Variants in APOLD1 observed in about 807,000 individuals in gnomAD.
The protein encoded by APOLD1 is apolipoprotein L domain-containing protein 1.
In APOLD1, 22 loss-of-function variants were observed where a neutral mutation model predicts 15.3. The ratio of observed to expected loss-of-function variants is 1.44; its 90% CI spans 1.03 to 2.05. APOLD1 has a LOEUF of 2.05. Among genes scored for constraint, APOLD1 ranks in the 30% most tolerant of loss-of-function variants. The probability of loss-of-function intolerance (pLI) is 0.00; values close to 1 mark genes in which losing one functional copy is unlikely to be tolerated. For synonymous variants in APOLD1, 190 were observed against 167.4 expected (o/e 1.13, Z -1.04); for missense variants, 394 against 353.5 (o/e 1.11, Z -0.92).
intron 1 of APOLD1, among the ~76,000 whole-genome samples, chr12:12,774,641 T>C (rs1947018004): frequency 7.1e-6 from 1 of 141,816 alleles, no homozygotes; most frequent in East Asian, 2.1e-4. Flanking sequence ...AATGGGCCAA[T>C]GACCTTAACA....
rs964273426 is a variant in APOLD1 at position 12,787,076 on chromosome 12, G to A, written c.171G>A (p.Val57=). 2 of 1,395,230 alleles carry A rather than the reference G, an allele frequency of 1.4e-6. No homozygotes were observed. The highest frequency in any genetic ancestry group is 1.8e-6 in the Non-Finnish European group (2 of 1,085,148). 86.4% of individuals were successfully genotyped at this position (1,395,230 alleles called of 1,614,324 possible). The change falls in exon 2 of 2, where the codon GTG becomes GTA. Residue 57 remains valine (V), a synonymous_variant. Transcript: ENST00000356591. The surrounding 1 kb of genome is among the most constrained non-coding windows in gnomAD (Gnocchi z 4.9). ...GCAGGCGCTCCCTCGTAGCCAACGT[G>A]GCCGGCAGCTCGCTGAGCGCAACGG... ...RLRRRSLVAN[V]AGSSLSATGA...
chr12:12,760,432 G>A (rs962907411), intron 1 of APOLD1, among the ~76,000 whole-genome samples: 1 of 152,116 alleles, frequency 6.6e-6, no homozygotes, highest in Non-Finnish European at 1.5e-5. Context: ...GAGGGCAGGA[G>A]TTCGAGACCA....
chr12:12,740,546 C>T (rs1324321107), intron 1 of APOLD1, among the ~76,000 whole-genome samples: 1 of 152,240 alleles, frequency 6.6e-6, no homozygotes, highest in Non-Finnish European at 1.5e-5. Context: ...CAGTAGTTGA[C>T]TGTCTTCTGA....
At chr12:12,733,795 G>A (rs552102646) in intron 1 of APOLD1, among the ~76,000 whole-genome samples, 7 of 152,082 alleles carry the variant, frequency 4.6e-5, no homozygotes, top group African/African-American at 1.7e-4. Context: ...GTAGAGACAG[G>A]GTTTCTCCAT....
chr12:12,778,763 C>T (rs1377592664), intron 1 of APOLD1, among the ~76,000 whole-genome samples: 1 of 152,172 alleles, frequency 6.6e-6, no homozygotes, highest in Admixed American at 6.6e-5. Flanking sequence ...GTACTTTATC[C>T]ACTCCATTGC....
At chr12:12,777,923 T>TTTGTTGTTGTTGTTG (rs1283327763) in intron 1 of APOLD1, among the ~76,000 whole-genome samples, 1 of 121,574 alleles carries the variant, frequency 8.2e-6, no homozygotes, top group Admixed American at 9.1e-5. Flanking sequence ...TTTTTTTTTT[T>TTTGTTGTTGTTGTTG]TTGTTGTTGT....
chr12:12,764,051 C>G (rs1371686799), intron 1 of APOLD1, among the ~76,000 whole-genome samples: 1 of 151,284 alleles, frequency 6.6e-6, no homozygotes, highest in East Asian at 1.9e-4. Flanking sequence ...CAACCTCTGC[C>G]TCCCGGGTTC....
chr12:12,749,283 A>G (rs1177187895), intron 1 of APOLD1, among the ~76,000 whole-genome samples: 1 of 152,170 alleles, frequency 6.6e-6, no homozygotes, highest in Non-Finnish European at 1.5e-5. Flanking sequence ...AAAAAAGTAC[A>G]TCCCAGACTA....
At chr12:12,744,389 A>G (rs1002758850) in intron 1 of APOLD1, among the ~76,000 whole-genome samples, 8 of 151,496 alleles carry the variant, frequency 5.3e-5, no homozygotes, top group Admixed American at 5.3e-4. Flanking sequence ...TGGGCAGATC[A>G]CCTGAGGTCA....
Position 12,787,038 on chromosome 12 carries a change from CTGGAGCGCCTGCG to C in APOLD1, c.134_146del (p.Leu45ProfsTer6). ...GCGCCTGCGCGAGGTGGCCCGGCGC[CTGGAGCGCCTGCG>C]CAGGCGCTCCCTCGTAGCCAACGTG... On this transcript the variant is annotated frameshift_variant, in exon 2 of 2. Coordinates refer to ENST00000356591, the MANE Select transcript of APOLD1 (RefSeq NM_030817.3). LOFTEE classifies it high-confidence loss of function. This position sits in a 1 kb window ranked among gnomAD's most constrained non-coding sequence, Gnocchi z 4.9. The C allele has an allele frequency of 7.3e-7, 1 of 1,375,038 alleles. No homozygotes were observed. The highest frequency in any genetic ancestry group is 9.3e-7 in the Non-Finnish European group (1 of 1,074,948). The allele number at this position is 1,375,038 out of a possible 1,614,324, so 85.2% of individuals were successfully genotyped here.
intron 1 of APOLD1, among the ~76,000 whole-genome samples, chr12:12,780,377 A>G (rs1411910029): frequency 2.6e-5 from 4 of 151,472 alleles, no homozygotes. Flanking sequence ...CCAAGTACCA[A>G]GTAGCTGGGA....
intron 1 of APOLD1, chr12:12,764,657 C>T (rs374144036): frequency 6.3e-5 from 30 of 479,106 alleles, no homozygotes; most frequent in African/African-American, 3.0e-4. Context: ...TCGGTGAGTG[C>T]GTTTCCAAGT....
At chr12:12,733,142 C>T (rs1248979251) in intron 1 of APOLD1, among the ~76,000 whole-genome samples, 1 of 143,728 alleles carries the variant, frequency 7.0e-6, no homozygotes, top group African/African-American at 2.7e-5. Context: ...GGTGAAACTC[C>T]ATCTCTACAA....
chr12:12,785,397 A>T (rs1050277736), upstream of APOLD1, among the ~76,000 whole-genome samples: 1 of 152,162 alleles, frequency 6.6e-6, no homozygotes, highest in African/African-American at 2.4e-5. Flanking sequence ...CCACTGGGAG[A>T]ATGACAACAC....
At chr12:12,786,531 G>A (rs1171299827) in intron 1 of APOLD1, among the ~76,000 whole-genome samples, 1 of 152,160 alleles carries the variant, frequency 6.6e-6, no homozygotes, top group African/African-American at 2.4e-5. Flanking sequence ...CACTTACAAA[G>A]TGTTATCTTA....
intron 1 of APOLD1, among the ~76,000 whole-genome samples, chr12:12,730,381 T>G (rs1408443710): frequency 1.3e-5 from 2 of 152,134 alleles, no homozygotes; most frequent in African/African-American, 4.8e-5. Context: ...TTACTTCACC[T>G]TTTAAAGATT....
At chr12:12,776,017 A>AAAAAAAAAAAAC in intron 1 of APOLD1, among the ~76,000 whole-genome samples, 1 of 150,838 alleles carries the variant, frequency 6.6e-6, no homozygotes, top group East Asian at 1.9e-4. Context: ...AAAAAAAAAA[A>AAAAAAAAAAAAC]AAAAAAAAAC....
intron 1 of APOLD1, among the ~76,000 whole-genome samples, chr12:12,766,344 T>A (rs10744004): frequency 0.65 from 99,064 of 152,086 alleles, 34,613 homozygotes; most frequent in Non-Finnish European, 0.77. Flanking sequence ...ACCAAGATAC[T>A]GGAATATTTT....
At chr12:12,742,771 A>C (rs1400824730) in intron 1 of APOLD1, among the ~76,000 whole-genome samples, 1 of 151,892 alleles carries the variant, frequency 6.6e-6, no homozygotes, top group Non-Finnish European at 1.5e-5. Flanking sequence ...CTAAAAAAAA[A>C]AAAAAAGGCC....
Sources: allele counts gnomAD v4.1 joint callset (sites outside exome capture counted in the v4.1 genomes callset), GRCh38; gene constraint gnomAD v4.1.1; non-coding constraint Gnocchi (gnomAD v3.1); transcripts MANE v1.5; gene names NCBI Gene and HGNC (gene_info 2026-07-23, HGNC 2026-07-21).